Variants in CENPC observed in about 807,000 individuals in gnomAD.
The protein encoded by CENPC is CENP-C 1.
In CENPC, 63 loss-of-function variants were observed where a neutral mutation model predicts 112.1. The ratio of observed to expected loss-of-function variants is 0.56; its 90% confidence interval spans 0.46 to 0.69. CENPC has a LOEUF of 0.69. Ranked by LOEUF, CENPC falls within the 30% of genes least tolerant of loss-of-function variation. The pLI is 0.00. For missense variants in CENPC, 1,000 were observed against 1,103.8 expected, an observed-to-expected ratio of 0.91 and a Z score of 1.33; for synonymous variants, 333 against 367.6, an observed-to-expected ratio of 0.91 and a Z score of 1.08.
At chr4:67,544,310 G>A (rs926740811) in intron 1 of CENPC, 115 bp from the exon 2 acceptor site, 1 of 621,418 alleles carries the variant, frequency 1.6e-6, no homozygotes, top group Admixed American at 2.9e-5. Flanking sequence ...TCTCCTAAGG[G>A]CTCAAAACAA....
intron 4 of CENPC, among the ~76,000 whole-genome samples, chr4:67,534,675 G>A (rs142023947): frequency 1.3e-5 from 2 of 152,254 alleles, no homozygotes; most frequent in East Asian, 3.9e-4. Context: ...ATACTTACTA[G>A]GCCAAGAGAA....
Position 67,512,829 on chromosome 4 carries a change from C to T in CENPC, c.1445-260G>A, listed in dbSNP as rs531595073. Among the ~76,000 whole-genome samples, 12 of 152,118 alleles carry T rather than the reference C, an allele frequency of 7.9e-5. 1 individual carries two copies. In the South Asian group the frequency reaches 2.5e-3, roughly 32 times the overall value. On this transcript the variant is annotated intron_variant, in intron 8 of 18. Coordinates refer to ENST00000273853, the MANE Select transcript of CENPC (RefSeq NM_001812.4). ...ACTCCTCAGCCAAAAAAATAAGTAT[C>T]TTCTGAAACTGAAAAAAAAATACAG...
At chr4:67,509,282 T>C (rs1300059560) in intron 9 of CENPC, among the ~76,000 whole-genome samples, 177 bp from the exon 10 acceptor site, 1 of 149,954 alleles carries the variant, frequency 6.7e-6, no homozygotes, top group East Asian at 2.0e-4. Flanking sequence ...ATTTCCAAAT[T>C]AAATTCTTTA....
At chr4:67,538,935 T>C (rs1414553369) in intron 4 of CENPC, among the ~76,000 whole-genome samples, 1 of 152,214 alleles carries the variant, frequency 6.6e-6, no homozygotes, top group Non-Finnish European at 1.5e-5. Flanking sequence ...TTTTTTAAAA[T>C]AGCTGCTTTA....
intron 5 of CENPC, among the ~76,000 whole-genome samples, chr4:67,524,781 C>T (rs1294485657): frequency 6.6e-6 from 1 of 152,042 alleles, no homozygotes; most frequent in Non-Finnish European, 1.5e-5. Context: ...TTCAATGCTA[C>T]TCCCATCATG....
intron 17 of CENPC, among the ~76,000 whole-genome samples, chr4:67,479,154 A>T (rs1393282828): frequency 6.6e-6 from 1 of 152,190 alleles, no homozygotes; most frequent in African/African-American, 2.4e-5. Context: ...GACAGCAGTA[A>T]ACAGGTCATC....
chr4:67,505,315 T>A, intron 11 of CENPC, 31 bp from the exon 12 acceptor site: 1 of 1,279,014 alleles, frequency 7.8e-7, no homozygotes, highest in South Asian at 1.4e-5. Context: ...ACAAAATTAA[T>A]GCTTTTATAA....
At chr4:67,498,317 G>C (rs1725496952) in intron 12 of CENPC, among the ~76,000 whole-genome samples, 1 of 152,106 alleles carries the variant, frequency 6.6e-6, no homozygotes, top group African/African-American at 2.4e-5. Context: ...TGCTGATAGG[G>C]TATTTTGCCT....
chr4:67,507,840 G>C (rs1225792053), intron 10 of CENPC, among the ~76,000 whole-genome samples: 1 of 151,990 alleles, frequency 6.6e-6, no homozygotes, highest in African/African-American at 2.4e-5. Context: ...GCAAATTCCA[G>C]CAACACAATA....
chr4:67,486,334 C>A (rs1026614584), intron 17 of CENPC, among the ~76,000 whole-genome samples: 2 of 152,122 alleles, frequency 1.3e-5, no homozygotes, highest in African/African-American at 4.8e-5. Flanking sequence ...TCAGTATGTA[C>A]TGAAAGATCA....
rs528460643 is a variant in CENPC at position 67,496,400 on chromosome 4, A to C, written c.2132-1188T>G. 9.8e-5 allele frequency among the ~76,000 whole-genome samples: 15 copies of C among 152,322 alleles called. No individual in the cohort carries two copies. The Middle Eastern group carries it at 0.01, about 104-fold the overall frequency. On this transcript the variant is annotated intron_variant, in intron 12 of 18. Coordinates refer to ENST00000273853, the MANE Select transcript of CENPC (RefSeq NM_001812.4). ...AAATCAATCACTGTATTAAGCCTTTAAGTTTTGGGGTGGTTGGTTACGCAG... is the reference window on the plus strand; with the variant it reads ...AAATCAATCACTGTATTAAGCCTTTCAGTTTTGGGGTGGTTGGTTACGCAG...
chr4:67,475,227 G>A (rs1318106840), intron 17 of CENPC, among the ~76,000 whole-genome samples: 1 of 152,230 alleles, frequency 6.6e-6, no homozygotes, highest in Non-Finnish European at 1.5e-5. Context: ...CCTGCTGGAA[G>A]CAGAGAAGAA....
intron 5 of CENPC, among the ~76,000 whole-genome samples, chr4:67,522,319 T>C (rs1317225871): frequency 1.3e-5 from 2 of 152,222 alleles, no homozygotes; most frequent in African/African-American, 4.8e-5. Flanking sequence ...GTTATGTTCA[T>C]GGATTCAGTA....
Position 67,475,879 on chromosome 4 carries a change from G to A in CENPC, c.2671-901C>T, listed in dbSNP as rs148137111. Among the ~76,000 whole-genome samples, 14 of 152,232 alleles carry A rather than the reference G, an allele frequency of 9.2e-5. No individual in the cohort carries two copies. The South Asian group carries it at 2.1e-3, about 23-fold the overall frequency. On this transcript the variant is annotated intron_variant, in intron 17 of 18. Coordinates refer to ENST00000273853, the MANE Select transcript of CENPC (RefSeq NM_001812.4). ...GCTGGGATTACAGGTGTGAGCCACCGCGCCCAGCCCAAGAGTATTAAGCCA... is the reference window on the plus strand; with the variant it reads ...GCTGGGATTACAGGTGTGAGCCACCACGCCCAGCCCAAGAGTATTAAGCCA...
chr4:67,489,197 TACACAC>T (rs33944071), intron 17 of CENPC, among the ~76,000 whole-genome samples: 1 of 148,456 alleles, frequency 6.7e-6, no homozygotes, highest in Non-Finnish European at 1.5e-5. Context: ...CTGTTATACA[TACACAC>T]ACACACACAC....
chr4:67,475,018 CATG>C (rs1415156980), intron 17 of CENPC, 40 bp from the exon 18 acceptor site: 3 of 1,052,232 alleles, frequency 2.9e-6, no homozygotes, highest in African/African-American at 1.6e-5. Flanking sequence ...AAAACTGAAC[CATG>C]ATAATACTTC....
chr4:67,488,647 C>T (rs1375007929), intron 17 of CENPC, among the ~76,000 whole-genome samples: 1 of 151,932 alleles, frequency 6.6e-6, no homozygotes, highest in Non-Finnish European at 1.5e-5. Flanking sequence ...AAAGGCATTA[C>T]AGTTTAATAG....
At chr4:67,496,764 G>T (rs1483508673) in intron 12 of CENPC, among the ~76,000 whole-genome samples, 1 of 152,078 alleles carries the variant, frequency 6.6e-6, no homozygotes, top group Non-Finnish European at 1.5e-5. Flanking sequence ...CTTTTTGGGG[G>T]TTATGAAAAG....
At chr4:67,481,448 G>A (rs913938639) in intron 17 of CENPC, among the ~76,000 whole-genome samples, 2 of 152,034 alleles carry the variant, frequency 1.3e-5, no homozygotes, top group African/African-American at 4.8e-5. Flanking sequence ...CATAGCCAAA[G>A]GGAAGACTAA....
Sources: gnomAD v4.1 joint callset for allele counts (sites outside exome capture counted in the v4.1 genomes callset) on GRCh38, gnomAD v4.1.1 for gene constraint, MANE v1.5 for transcripts, NCBI Gene and HGNC (gene_info 2026-07-23, HGNC 2026-07-21) for gene names.